The following CALHM4 variants were observed in gnomAD, a reference collection of about 807,000 sequenced individuals.
CALHM4 encodes calcium homeostasis modulator protein 4.
In CALHM4, 16 loss-of-function variants were observed where a neutral mutation model predicts 13.3. That is an observed-to-expected ratio of 1.20 (90% CI 0.81 to 1.82). CALHM4 has a LOEUF of 1.82. Among genes scored for constraint, CALHM4 ranks in the 40% most tolerant of loss-of-function variants. The pLI, the probability that CALHM4 is intolerant of heterozygous loss-of-function variation, is 0.00. For missense variants in CALHM4, 344 were observed against 374.9 expected (o/e 0.92, Z 0.68); for synonymous variants, 127 against 137.1 (o/e 0.93, Z 0.52).
rs1242656703 is a variant in CALHM4, at chr6:116,559,228, T to C, written c.*1017T>C. On this transcript the variant is annotated 3_prime_UTR_variant, in exon 2 of 2. Transcript: ENST00000368596. ...ATAGTGACTCGTGCCTGATTTTTGC[T>C]ACGTTCACTGAAGCAACTTGCTCAT... Among the ~76,000 whole-genome samples the C allele has an allele frequency of 6.6e-6, 1 of 152,194 alleles. No homozygotes were observed. The highest frequency in any genetic ancestry group is 1.5e-5 in the Non-Finnish European group (1 of 68,020).
At chr6:116,533,687 A>G (rs1772889792) in intron 1 of CALHM4, among the ~76,000 whole-genome samples, 1 of 152,186 alleles carries the variant, frequency 6.6e-6, no homozygotes, top group African/African-American at 2.4e-5. Flanking sequence ...CTAGAGCTCC[A>G]TCATGCAGAC....
At chr6:116,545,385 A>C in intron 2 of CALHM4, 1 of 1,166,946 alleles carries the variant, frequency 8.6e-7, no homozygotes, top group East Asian at 2.6e-5. Flanking sequence ...AAAAATTCTT[A>C]TAGCATCAGT....
chr6:116,547,088 A>C (rs752842488), intron 2 of CALHM4, among the ~76,000 whole-genome samples: 2 of 152,186 alleles, frequency 1.3e-5, no homozygotes, highest in Non-Finnish European at 2.9e-5. Context: ...GGCAACAAGA[A>C]GGGATTTGGG....
intron 1 of CALHM4, among the ~76,000 whole-genome samples, chr6:116,535,795 G>A (rs192941436): frequency 9.6e-4 from 146 of 152,210 alleles, no homozygotes; most frequent in African/African-American, 1.9e-3. Context: ...TATCTTTAAA[G>A]ATATATTTTA....
chr6:116,537,620 T>C (rs896998321), intron 1 of CALHM4, among the ~76,000 whole-genome samples: 1 of 152,194 alleles, frequency 6.6e-6, no homozygotes, highest in Non-Finnish European at 1.5e-5. Flanking sequence ...TATTTCCACA[T>C]ATTGAAGACT....
At chr6:116,538,727 T>C (rs1773246084) in intron 1 of CALHM4, among the ~76,000 whole-genome samples, 1 of 151,432 alleles carries the variant, frequency 6.6e-6, no homozygotes, top group African/African-American at 2.4e-5. Context: ...GTCTTAAATC[T>C]TTCTTTCTTT....
intron 1 of CALHM4, among the ~76,000 whole-genome samples, chr6:116,533,482 G>A (rs1317653473): frequency 6.6e-6 from 1 of 152,178 alleles, no homozygotes; most frequent in Non-Finnish European, 1.5e-5. Flanking sequence ...GACAGCTAGA[G>A]TTGCACTGAG....
chr6:116,549,213 G>A (rs1205942617), upstream of CALHM4, among the ~76,000 whole-genome samples: 7 of 152,194 alleles, frequency 4.6e-5, no homozygotes, highest in African/African-American at 1.4e-4. Flanking sequence ...CTTGAACCTG[G>A]GAGGTGGAGG....
chr6:116,547,588 C>T (rs756636343), intron 2 of CALHM4, among the ~76,000 whole-genome samples: 7 of 152,148 alleles, frequency 4.6e-5, no homozygotes, highest in Non-Finnish European at 8.8e-5. Flanking sequence ...GTCTATGAAA[C>T]CTGCTAGTCT....
chr6:116,547,752 A>G (rs1773869337), intron 2 of CALHM4, among the ~76,000 whole-genome samples: 2 of 152,256 alleles, frequency 1.3e-5, no homozygotes, highest in African/African-American at 4.8e-5. Context: ...ACTAGGAAAG[A>G]ATTATTCCAA....
intron 1 of CALHM4, among the ~76,000 whole-genome samples, chr6:116,534,202 C>T (rs1369870494): frequency 6.6e-6 from 1 of 152,012 alleles, no homozygotes; most frequent in Admixed American, 6.6e-5. Flanking sequence ...TGTGTGATTC[C>T]TGTCTCCTGA....
At chr6:116,534,397 A>G (rs1453630992) in intron 1 of CALHM4, among the ~76,000 whole-genome samples, 1 of 152,062 alleles carries the variant, frequency 6.6e-6, no homozygotes, top group Non-Finnish European at 1.5e-5. Context: ...GGCTTGAAAT[A>G]TTTTCATTCG....
At chr6:116,556,707 G>T (rs1174523267) in intron 1 of CALHM4, among the ~76,000 whole-genome samples, 15 of 151,980 alleles carry the variant, frequency 9.9e-5, no homozygotes, top group Admixed American at 9.2e-4. Flanking sequence ...ATTGAAAACA[G>T]TAAAATGAAA....
Position 116,560,878 on chromosome 6 carries a change from C to T in CALHM4, c.*2667C>T, listed in dbSNP as rs1217862799. On this transcript the variant is annotated 3_prime_UTR_variant, in exon 2 of 2. Transcript: ENST00000368596. ...GGAGCTTGACATATATAAACCTGCTCCTTTCTTAATTTCATTAGCTCCTCC... is the reference window on the plus strand; with the variant it reads ...GGAGCTTGACATATATAAACCTGCTTCTTTCTTAATTTCATTAGCTCCTCC... 6.6e-6 allele frequency among the ~76,000 whole-genome samples: 1 copy of T among 152,190 alleles called. No homozygotes were observed. Among genetic ancestry groups the T allele is most frequent in the Admixed American group, 6.5e-5 (1 of 15,276 alleles).
upstream of CALHM4, among the ~76,000 whole-genome samples, chr6:116,552,991 G>A (rs551517199): frequency 9.2e-5 from 14 of 152,228 alleles, no homozygotes; most frequent in African/African-American, 1.2e-4. Context: ...GGAGAATGGC[G>A]TGAACCCGGG....
chr6:116,544,427 C>T (rs1773651617), intron 2 of CALHM4, among the ~76,000 whole-genome samples: 1 of 152,044 alleles, frequency 6.6e-6, no homozygotes, highest in South Asian at 2.1e-4. Context: ...CTCTATTCTG[C>T]TTCATGGCCA....
intron 1 of CALHM4, 136 bp downstream of exon 1, chr6:116,554,487 G>A: frequency 3.7e-6 from 3 of 802,384 alleles, no homozygotes; most frequent in Middle Eastern, 3.8e-4. Context: ...ATCAAAGTGA[G>A]TTCTACTGAG....
At chr6:116,541,777 TG>T (rs1414753263) in intron 1 of CALHM4, among the ~76,000 whole-genome samples, 1 of 152,178 alleles carries the variant, frequency 6.6e-6, no homozygotes, top group African/African-American at 2.4e-5. Flanking sequence ...GCTCAGCAAC[TG>T]GGAACAGTGG....
chr6:116,551,534 T>C (rs1331112585), upstream of CALHM4, among the ~76,000 whole-genome samples: 4 of 152,148 alleles, frequency 2.6e-5, no homozygotes, highest in Non-Finnish European at 5.9e-5. Flanking sequence ...TTGCCATTAC[T>C]TCAATTGTTT....
Sources: gnomAD v4.1 joint callset for allele counts (sites outside exome capture counted in the v4.1 genomes callset) on GRCh38, gnomAD v4.1.1 for gene constraint, MANE v1.5 for transcripts, NCBI Gene and HGNC (gene_info 2026-07-23, HGNC 2026-07-21) for gene names.